Variants in CRACR2A observed in about 807,000 individuals in gnomAD.
The protein encoded by CRACR2A is EF-hand calcium-binding domain-containing protein 4B.
CRACR2A carries 79 observed loss-of-function variants against 90.5 expected under a neutral mutation model. The ratio of observed to expected loss-of-function variants is 0.87; its 90% CI spans 0.73 to 1.05. The LOEUF is 1.05. Among genes scored for constraint, CRACR2A ranks in the 50% least tolerant of loss-of-function variants. CRACR2A has a pLI of 0.00. For synonymous variants in CRACR2A, 338 were observed against 356.7 expected, an observed-to-expected ratio of 0.95 and a Z score of 0.59; for missense variants, 823 against 897.2, an observed-to-expected ratio of 0.92 and a Z score of 1.06.
intron 12 of CRACR2A, among the ~76,000 whole-genome samples, chr12:3,642,893 A>G (rs2137387566): frequency 6.6e-6 from 1 of 152,308 alleles, no homozygotes; most frequent in Non-Finnish European, 1.5e-5. Flanking sequence ...CCTTAATGAG[A>G]GGAGGGGCTG....
chr12:3,734,145 TA>T (rs1565506944), intron 1 of CRACR2A, among the ~76,000 whole-genome samples: 1 of 151,428 alleles, frequency 6.6e-6, no homozygotes, highest in Non-Finnish European at 1.5e-5. Context: ...TAATTTTTTT[TA>T]AAAAATATTT....
intron 4 of CRACR2A, among the ~76,000 whole-genome samples, chr12:3,690,644 G>A (rs1421203891): frequency 1.3e-5 from 2 of 152,156 alleles, no homozygotes; most frequent in Non-Finnish European, 1.5e-5. Flanking sequence ...TGTTGTTTGG[G>A]GGTGGAGAGT....
At chr12:3,677,430 A>C (rs922531043) in intron 6 of CRACR2A, among the ~76,000 whole-genome samples, 3 of 94,990 alleles carry the variant, frequency 3.2e-5, no homozygotes, top group Non-Finnish European at 6.4e-5. Context: ...ATTTTGGCTC[A>C]GTTCTGCACT....
At chr12:3,688,397 T>G (rs779450946) in intron 4 of CRACR2A, among the ~76,000 whole-genome samples, 1 of 152,234 alleles carries the variant, frequency 6.6e-6, no homozygotes, top group Non-Finnish European at 1.5e-5. Flanking sequence ...TTTTGATATA[T>G]TCTGCATATG....
At position 3,654,376 on chromosome 12, in the gene CRACR2A, C is replaced by G; in HGVS notation, c.882G>C (p.Leu294=). ...QKRLEGQCTA[L]HHDKHETKAE... is the part of the protein sequence containing the mutation. The stretch of plus-strand genomic sequence containing the variant: ...CCTTGGTCTCATGCTTGTCATGATG[C>G]AGGGCTGTGCACTGACCTTCCAGCT... The change falls in exon 10 of 20, where the codon CTG becomes CTC. Residue 294 remains leucine (L), a synonymous_variant. Transcript: ENST00000440314. 6.2e-7 allele frequency: 1 copy of G among 1,610,128 alleles called. No homozygotes were observed. Among genetic ancestry groups the G allele is most frequent in the Non-Finnish European group, 8.5e-7 (1 of 1,178,696 alleles).
At chr12:3,622,761 G>C (rs1038689486) in intron 17 of CRACR2A, among the ~76,000 whole-genome samples, 2 of 151,594 alleles carry the variant, frequency 1.3e-5, no homozygotes, top group African/African-American at 4.8e-5. Flanking sequence ...AAAGCATGCA[G>C]TTATGCTAAG....
chr12:3,685,820 G>A (rs1017890811), intron 4 of CRACR2A, among the ~76,000 whole-genome samples: 2 of 152,210 alleles, frequency 1.3e-5, no homozygotes, highest in Non-Finnish European at 2.9e-5. Flanking sequence ...GGTGGTTGCA[G>A]AAGAAAGTGA....
At chr12:3,642,413 C>G (rs1412828955) in intron 12 of CRACR2A, among the ~76,000 whole-genome samples, 1 of 152,094 alleles carries the variant, frequency 6.6e-6, no homozygotes, top group African/African-American at 2.4e-5. Flanking sequence ...TGGACTCTTG[C>G]TATGTTGTCC....
At chr12:3,686,431 A>C (rs1450961671) in intron 4 of CRACR2A, among the ~76,000 whole-genome samples, 1 of 152,210 alleles carries the variant, frequency 6.6e-6, no homozygotes, top group African/African-American at 2.4e-5. Context: ...ATGAGTCTTA[A>C]GTTTGGCATA....
chr12:3,650,616 C>T (rs1381463759), intron 10 of CRACR2A, among the ~76,000 whole-genome samples: 2 of 152,194 alleles, frequency 1.3e-5, no homozygotes, highest in Admixed American at 1.3e-4. Context: ...GATCCTGGTG[C>T]TGTGCTTTAG....
At chr12:3,663,374 G>A (rs1945074347) in intron 7 of CRACR2A, among the ~76,000 whole-genome samples, 2 of 152,096 alleles carry the variant, frequency 1.3e-5, no homozygotes, top group African/African-American at 4.8e-5. Context: ...CCCAGACTAG[G>A]TTAGAATACC....
At chr12:3,718,120 A>C (rs974061779) in intron 2 of CRACR2A, among the ~76,000 whole-genome samples, 1 of 152,236 alleles carries the variant, frequency 6.6e-6, no homozygotes, top group African/African-American at 2.4e-5. Context: ...GTTTTTGTGA[A>C]GATGATAAGA....
At chr12:3,687,991 T>C (rs1431680956) in intron 4 of CRACR2A, among the ~76,000 whole-genome samples, 1 of 152,258 alleles carries the variant, frequency 6.6e-6, no homozygotes, top group East Asian at 1.9e-4. Context: ...TGTCTTCTTT[T>C]GAAAAGTTTC....
intron 13 of CRACR2A, among the ~76,000 whole-genome samples, chr12:3,641,368 C>T (rs1021058834): frequency 2.0e-5 from 3 of 152,064 alleles, no homozygotes; most frequent in Admixed American, 6.6e-5. Context: ...ACAAAAACCC[C>T]GAAACCAAGT....
chr12:3,652,056 C>A (rs1400872993), intron 10 of CRACR2A, among the ~76,000 whole-genome samples: 2 of 152,170 alleles, frequency 1.3e-5, no homozygotes, highest in African/African-American at 4.8e-5. Context: ...GTTCTGGAGT[C>A]ATATTTCTCT....
At chr12:3,709,062 T>C (rs780241873) in intron 3 of CRACR2A, among the ~76,000 whole-genome samples, 4 of 152,196 alleles carry the variant, frequency 2.6e-5, no homozygotes, top group South Asian at 4.1e-4. Flanking sequence ...GATACAGATT[T>C]GTATTGTCTT....
chr12:3,689,245 G>C (rs1262196918), intron 4 of CRACR2A, among the ~76,000 whole-genome samples: 2 of 152,224 alleles, frequency 1.3e-5, no homozygotes, highest in African/African-American at 2.4e-5. Context: ...TAGGAGTGGT[G>C]AGAGAGGGCA....
At chr12:3,660,354 TG>T (rs971706080) in intron 7 of CRACR2A, among the ~76,000 whole-genome samples, 3 of 152,186 alleles carry the variant, frequency 2.0e-5, no homozygotes, top group Non-Finnish European at 4.4e-5. Context: ...CAGGCGAGGC[TG>T]GTTGGAGGAT....
chr12:3,704,798 T>G (rs1360836861), intron 3 of CRACR2A, among the ~76,000 whole-genome samples: 1 of 152,184 alleles, frequency 6.6e-6, no homozygotes. Context: ...GGGAGCTAAA[T>G]AAACCCTACA....
Sources: gnomAD v4.1 joint callset for allele counts (sites outside exome capture counted in the v4.1 genomes callset) on GRCh38, gnomAD v4.1.1 for gene constraint, MANE v1.5 for transcripts, NCBI Gene and HGNC (gene_info 2026-07-23, HGNC 2026-07-21) for gene names.